The following ABCC1 variants were observed in gnomAD, a reference collection of about 807,000 sequenced individuals.
ABCC1 encodes multidrug resistance-associated protein 1.
ABCC1 carries 83 observed loss-of-function variants against 172.9 expected under a neutral mutation model. The observed-to-expected ratio is 0.48, with a 90% CI of 0.40 to 0.58. The LOEUF (loss-of-function observed/expected upper bound fraction) is 0.58, where lower values mean the gene tolerates loss of function less well. Among genes scored for constraint, ABCC1 ranks in the 20% least tolerant of loss-of-function variants. The probability of loss-of-function intolerance (pLI) is 0.00; values close to 1 mark genes in which losing one functional copy is unlikely to be tolerated. For synonymous variants in ABCC1, 937 were observed against 825.2 expected, an observed-to-expected ratio of 1.14 and a Z score of -2.32; for missense variants, 1,817 against 2,002.7, an observed-to-expected ratio of 0.91 and a Z score of 1.77.
intron 19 of ABCC1, chr16:16,098,994 C>A: frequency 8.7e-7 from 1 of 1,143,392 alleles, no homozygotes; most frequent in South Asian, 1.2e-5. Context: ...GAGGTGCCGT[C>A]AGATGTCTGT....
rs529870462 is a variant in ABCC1, at chr16:16,108,174, A to G, written c.2871+1301A>G. 2.7e-4 allele frequency among the ~76,000 whole-genome samples: 41 copies of G among 152,020 alleles called. No homozygotes were observed. The East Asian group carries it at 7.5e-3, about 28-fold the overall frequency. On this transcript the variant is annotated intron_variant, in intron 21 of 30. Coordinates refer to ENST00000399410, the MANE Select transcript of ABCC1 (RefSeq NM_004996.4). ...CCCATTTAATCCTCATTTAACTCCA[A>G]TTTTATATTCAAGGAACATCAAAGC... is the stretch of plus-strand genomic sequence containing the variant.
intron 19 of ABCC1, among the ~76,000 whole-genome samples, chr16:16,097,559 C>T (rs1339456681): frequency 2.6e-5 from 4 of 152,276 alleles, no homozygotes; most frequent in Admixed American, 6.5e-5. Flanking sequence ...GTGGGTAGGC[C>T]GGAGGGCTTT....
At chr16:16,106,590 A>C in intron 20 of ABCC1, 148 bp from the exon 21 acceptor site, 5 of 847,044 alleles carry the variant, frequency 5.9e-6, no homozygotes, top group Non-Finnish European at 7.2e-6. Flanking sequence ...TGGTGCATAT[A>C]TTCATATATA....
chr16:16,102,261 C>G (rs74530751), intron 19 of ABCC1, among the ~76,000 whole-genome samples: 5 of 152,242 alleles, frequency 3.3e-5, no homozygotes, highest in Admixed American at 1.3e-4. Flanking sequence ...TTCCCTCATG[C>G]GTTTCCTTGC....
intron 1 of ABCC1, among the ~76,000 whole-genome samples, chr16:15,993,315 C>T (rs539455976): frequency 1.3e-5 from 2 of 152,298 alleles, no homozygotes; most frequent in South Asian, 4.1e-4. Flanking sequence ...CCAGCTCCTG[C>T]AACCTGGCAC....
chr16:16,013,629 A>G (rs1000150614), intron 3 of ABCC1, among the ~76,000 whole-genome samples: 2 of 152,084 alleles, frequency 1.3e-5, no homozygotes, highest in African/African-American at 4.8e-5. Flanking sequence ...TAGCTGTGCA[A>G]ACAGACATTA....
chr16:16,006,812 G>A (rs562632715), intron 1 of ABCC1, among the ~76,000 whole-genome samples: 1 of 150,886 alleles, frequency 6.6e-6, no homozygotes, highest in African/African-American at 2.4e-5. Context: ...AATAAAGCCT[G>A]GCATACAGAA....
chr16:16,041,362 C>T (rs2048972511), intron 7 of ABCC1, among the ~76,000 whole-genome samples: 2 of 152,196 alleles, frequency 1.3e-5, no homozygotes, highest in South Asian at 2.1e-4. Flanking sequence ...TTCATCTGTA[C>T]ACTTTGATCT....
intron 13 of ABCC1, among the ~76,000 whole-genome samples, chr16:16,069,135 C>T (rs1352094034): frequency 1.4e-5 from 2 of 143,878 alleles, no homozygotes; most frequent in African/African-American, 2.6e-5. Flanking sequence ...TGGTAAAACC[C>T]TGTATGTAAA....
At chr16:16,134,137 T>G (rs1195522585) in intron 27 of ABCC1, among the ~76,000 whole-genome samples, 1 of 152,188 alleles carries the variant, frequency 6.6e-6, no homozygotes, top group African/African-American at 2.4e-5. Flanking sequence ...TCATTCCTTT[T>G]GGGAGCCTGG....
intron 26 of ABCC1, among the ~76,000 whole-genome samples, chr16:16,131,490 A>G (rs550775228): frequency 6.6e-6 from 1 of 152,292 alleles, no homozygotes; most frequent in East Asian, 1.9e-4. Context: ...TGGGAGACAG[A>G]ATACACTCAA....
chr16:16,134,599 C>A, intron 28 of ABCC1, 91 bp downstream of exon 28: 213 of 737,610 alleles, frequency 2.9e-4, no homozygotes, highest in Non-Finnish European at 3.9e-4. Flanking sequence ...TTGGGGCAAA[C>A]ATACATTTGG....
intron 5 of ABCC1, among the ~76,000 whole-genome samples, chr16:16,021,126 G>T (rs1332006491): frequency 6.6e-6 from 1 of 152,102 alleles, no homozygotes; most frequent in East Asian, 1.9e-4. Flanking sequence ...TGTTATATGG[G>T]GAGGTGCTCA....
intron 29 of ABCC1, among the ~76,000 whole-genome samples, chr16:16,137,590 C>G (rs1010519602): frequency 8.7e-6 from 1 of 115,396 alleles, no homozygotes; most frequent in East Asian, 3.1e-4. Flanking sequence ...GAGGGTCTCA[C>G]TCTATCACCC....
chr16:16,077,994 C>G (rs1432506717), intron 15 of ABCC1, among the ~76,000 whole-genome samples: 1 of 152,096 alleles, frequency 6.6e-6, no homozygotes, highest in Non-Finnish European at 1.5e-5. Flanking sequence ...CCCATCTGTA[C>G]TAAAAATACA....
chr16:16,047,758 T>C (rs981808098), intron 9 of ABCC1, among the ~76,000 whole-genome samples: 1 of 151,900 alleles, frequency 6.6e-6, no homozygotes, highest in African/African-American at 2.4e-5. Flanking sequence ...TGACACAGCC[T>C]GGAAGCGTAG....
At chr16:16,072,028 A>G (rs886660372) in intron 14 of ABCC1, among the ~76,000 whole-genome samples, 2 of 152,026 alleles carry the variant, frequency 1.3e-5, no homozygotes, top group African/African-American at 4.8e-5. Flanking sequence ...TCACTTTCCA[A>G]GGCTTTGACC....
chr16:16,082,670 A>G (rs969568077), intron 16 of ABCC1, among the ~76,000 whole-genome samples: 1 of 152,174 alleles, frequency 6.6e-6, no homozygotes, highest in Non-Finnish European at 1.5e-5. Context: ...TTGAGACAGG[A>G]TCTTGCTCTG....
chr16:16,036,119 C>T (rs1221093644), intron 6 of ABCC1, among the ~76,000 whole-genome samples: 3 of 151,714 alleles, frequency 2.0e-5, no homozygotes, highest in African/African-American at 7.3e-5. Context: ...GCGAGACCCT[C>T]TCTCCAAGTA....
Sources: gnomAD v4.1 joint callset for allele counts (sites outside exome capture counted in the v4.1 genomes callset) on GRCh38, gnomAD v4.1.1 for gene constraint, MANE v1.5 for transcripts, NCBI Gene and HGNC (gene_info 2026-07-23, HGNC 2026-07-21) for gene names.